The following PPFIA2 variants were observed in gnomAD, a reference collection of about 807,000 sequenced individuals.
The protein encoded by PPFIA2 is liprin-alpha-2.
Under a neutral mutation model 175.5 loss-of-function variants are expected in PPFIA2, and 46 were observed. The ratio of observed to expected loss-of-function variants is 0.26; its 90% confidence interval spans 0.21 to 0.34. The LOEUF is 0.34. Among genes scored for constraint, PPFIA2 ranks in the 10% least tolerant of loss-of-function variants. The pLI, the probability that PPFIA2 is intolerant of heterozygous loss-of-function variation, is 1.00. For missense variants in PPFIA2, 1,179 were observed against 1,506.1 expected (o/e 0.78, Z 3.60); for synonymous variants, 568 against 511.4 (o/e 1.11, Z -1.49).
At chr12:81,648,044 A>G (rs1415195166) in intron 4 of PPFIA2, among the ~76,000 whole-genome samples, 2 of 150,352 alleles carry the variant, frequency 1.3e-5, no homozygotes, top group African/African-American at 4.9e-5. Context: ...TATAGAATAT[A>G]ATTTTATCCA....
At chr12:81,458,684 C>T (rs1290753996) in intron 4 of PPFIA2, among the ~76,000 whole-genome samples, 1 of 151,996 alleles carries the variant, frequency 6.6e-6, no homozygotes, top group African/African-American at 2.4e-5. Flanking sequence ...GGTATTTTTA[C>T]CAATAGGTAG....
chr12:81,649,125 A>G (rs2066625656), intron 4 of PPFIA2, among the ~76,000 whole-genome samples: 2 of 152,140 alleles, frequency 1.3e-5, no homozygotes, highest in Admixed American at 1.3e-4. Flanking sequence ...ATCAAAATTA[A>G]AATTGCTCTT....
intron 4 of PPFIA2, among the ~76,000 whole-genome samples, chr12:81,533,856 C>T (rs1315510338): frequency 6.6e-6 from 1 of 150,888 alleles, no homozygotes; most frequent in East Asian, 1.9e-4. Flanking sequence ...CTGTATCATC[C>T]TAGTAAATTT....
intron 7 of PPFIA2, chr12:81,430,712 A>G (rs2047955844): frequency 6.6e-6 from 1 of 151,880 alleles, no homozygotes; most frequent in Non-Finnish European, 1.5e-5. Flanking sequence ...CCAGTTTTCC[A>G]TTTAATTCCA....
rs565391613 is a variant in PPFIA2, at chr12:81,759,284, T to G, written c.-115A>C. The G allele has an allele frequency of 1.3e-5, 2 of 151,598 alleles. No homozygotes were observed. Among genetic ancestry groups the G allele is most frequent in the Admixed American group, 1.3e-4 (2 of 15,208 alleles). The allele number at this position is 151,598 out of a possible 1,614,324, so 9.4% of individuals were successfully genotyped here. A position where few individuals can be genotyped will look rare whatever the true frequency, so the allele number is the denominator to read the frequency against. On this transcript the variant is annotated 5_prime_UTR_variant, in exon 1 of 33. Coordinates refer to ENST00000549396, the MANE Select transcript of PPFIA2 (RefSeq NM_003625.5). The stretch of plus-strand genomic sequence containing the variant: ...CAATTGGCCGGAAGAACCAACCTGC[T>G]GGCAGCCGGTGAGGACGCTACAGCA...
At chr12:81,432,708 C>T (rs1204334477) in intron 7 of PPFIA2, among the ~76,000 whole-genome samples, 5 of 151,990 alleles carry the variant, frequency 3.3e-5, no homozygotes, top group Non-Finnish European at 5.9e-5. Flanking sequence ...CCACCCACCT[C>T]GGCCTCCCAA....
At chr12:81,666,652 C>A (rs1472565737) in intron 4 of PPFIA2, among the ~76,000 whole-genome samples, 1 of 151,978 alleles carries the variant, frequency 6.6e-6, no homozygotes, top group Admixed American at 6.6e-5. Flanking sequence ...TGGAGATATA[C>A]CTAATGTTAA....
intron 8 of PPFIA2, among the ~76,000 whole-genome samples, chr12:81,395,113 C>A (rs2040875744): frequency 1.3e-5 from 2 of 151,956 alleles, no homozygotes; most frequent in Admixed American, 1.3e-4. Flanking sequence ...ACTCTTAGAA[C>A]TAATAGTTTT....
Position 81,319,612 on chromosome 12 carries a change from C to T in PPFIA2, c.2642+6165G>A, listed in dbSNP as rs147773210. ...AGTAATTGTGTCTGTACTAAATAAA[C>T]CCTCGACTAAAATAAACAAACTGAT... On this transcript the variant is annotated intron_variant, in intron 22 of 32. Coordinates refer to ENST00000549396, the MANE Select transcript of PPFIA2 (RefSeq NM_003625.5). 2.0e-5 allele frequency among the ~76,000 whole-genome samples: 3 copies of T among 151,920 alleles called. No homozygotes were observed. The East Asian group carries it at 5.8e-4, about 29-fold the overall frequency.
chr12:81,629,273 T>C (rs967541848), intron 4 of PPFIA2, among the ~76,000 whole-genome samples: 3 of 152,190 alleles, frequency 2.0e-5, no homozygotes, highest in Admixed American at 2.0e-4. Flanking sequence ...TAGGTAGAAA[T>C]TTAAAATGTA....
chr12:81,486,419 T>A (rs2146897136), intron 4 of PPFIA2, among the ~76,000 whole-genome samples: 1 of 151,962 alleles, frequency 6.6e-6, no homozygotes, highest in South Asian at 2.1e-4. Flanking sequence ...TGCAGAAAAC[T>A]TTCAGGATAT....
chr12:81,300,100 C>G (rs1004686966), intron 22 of PPFIA2, among the ~76,000 whole-genome samples: 14 of 152,198 alleles, frequency 9.2e-5, no homozygotes, highest in Admixed American at 6.6e-4. Context: ...TGCAAAAGAA[C>G]TCTGAAAAAT....
intron 7 of PPFIA2, among the ~76,000 whole-genome samples, chr12:81,418,406 T>C (rs928716869): frequency 6.6e-6 from 1 of 151,986 alleles, no homozygotes; most frequent in Admixed American, 6.6e-5. Flanking sequence ...CTTATTTCTG[T>C]TTTTGTCAGA....
intron 3 of PPFIA2, among the ~76,000 whole-genome samples, chr12:81,708,360 C>T (rs890447790): frequency 6.6e-6 from 1 of 151,766 alleles, no homozygotes; most frequent in African/African-American, 2.4e-5. Flanking sequence ...GTAAACCAAA[C>T]TAAAGATATG....
At chr12:81,405,427 A>G (rs2042762694) in intron 8 of PPFIA2, among the ~76,000 whole-genome samples, 1 of 151,950 alleles carries the variant, frequency 6.6e-6, no homozygotes, top group South Asian at 2.1e-4. Context: ...ATATATGTAC[A>G]TATATATACA....
At chr12:81,399,350 A>T (rs2041745369) in intron 8 of PPFIA2, among the ~76,000 whole-genome samples, 2 of 151,668 alleles carry the variant, frequency 1.3e-5, no homozygotes, top group South Asian at 2.1e-4. Context: ...GCTAATACAA[A>T]TGATACTTCT....
At chr12:81,361,921 A>T (rs1392060415) in intron 15 of PPFIA2, among the ~76,000 whole-genome samples, 1 of 151,546 alleles carries the variant, frequency 6.6e-6, no homozygotes, top group Non-Finnish European at 1.5e-5. Flanking sequence ...TAACAACTTT[A>T]AATAAAACAT....
intron 4 of PPFIA2, among the ~76,000 whole-genome samples, chr12:81,467,779 G>T (rs2146184310): frequency 6.6e-6 from 1 of 152,238 alleles, no homozygotes; most frequent in South Asian, 2.1e-4. Flanking sequence ...TGCATTGCTT[G>T]TTCTGAGATG....
intron 4 of PPFIA2, among the ~76,000 whole-genome samples, chr12:81,580,414 T>C (rs558867997): frequency 2.0e-5 from 3 of 151,834 alleles, no homozygotes; most frequent in Non-Finnish European, 4.4e-5. Flanking sequence ...GGAAAACGGT[T>C]TGCTATTAAA....
Sources: allele counts gnomAD v4.1 joint callset (sites outside exome capture counted in the v4.1 genomes callset), GRCh38; gene constraint gnomAD v4.1.1; transcripts MANE v1.5; gene names NCBI Gene and HGNC (gene_info 2026-07-23, HGNC 2026-07-21).